Variants in DLG2 observed in about 807,000 individuals in gnomAD.
DLG2 encodes the protein disks large homolog 2.
Under a neutral mutation model 132.5 loss-of-function variants are expected in DLG2, and 45 were observed. The observed-to-expected ratio is 0.34, with a 90% CI of 0.27 to 0.44. The LOEUF (loss-of-function observed/expected upper bound fraction) is 0.44. Ranked by LOEUF, DLG2 falls within the 20% of genes least tolerant of loss-of-function variation. The pLI is 1.00. For missense variants in DLG2, 1,045 were observed against 1,196.9 expected, an observed-to-expected ratio of 0.87 and a Z score of 1.87; for synonymous variants, 424 against 419.6, an observed-to-expected ratio of 1.01 and a Z score of -0.13.
At chr11:83,653,686 G>A (rs1591779032) in intron 18 of DLG2, among the ~76,000 whole-genome samples, 1 of 152,230 alleles carries the variant, frequency 6.6e-6, no homozygotes, top group East Asian at 1.9e-4. Flanking sequence ...ACATGTCCAA[G>A]GAGCACAAAA....
intron 8 of DLG2, among the ~76,000 whole-genome samples, chr11:84,185,052 A>G (rs201637892): frequency 1.3e-5 from 2 of 152,204 alleles, no homozygotes; most frequent in East Asian, 1.9e-4. Flanking sequence ...TTGGCAATGC[A>G]GGCTCTTTTT....
intron 18 of DLG2, among the ~76,000 whole-genome samples, chr11:83,671,413 C>T (rs2076803607): frequency 1.3e-5 from 2 of 152,122 alleles, no homozygotes; most frequent in African/African-American, 2.4e-5. Flanking sequence ...CATCCTTCTA[C>T]CCAATACTAT....
chr11:85,607,711 C>T (rs1050440155), intron 2 of DLG2, among the ~76,000 whole-genome samples: 1 of 152,218 alleles, frequency 6.6e-6, no homozygotes, highest in African/African-American at 2.4e-5. Context: ...CCTCCTCAGA[C>T]AAGCAGGCCT....
intron 3 of DLG2, among the ~76,000 whole-genome samples, chr11:85,388,842 CG>C (rs1254363959): frequency 6.6e-6 from 1 of 152,134 alleles, no homozygotes; most frequent in Non-Finnish European, 1.5e-5. Context: ...ACAAAAAAAT[CG>C]GAACAGAAGC....
intron 8 of DLG2, among the ~76,000 whole-genome samples, chr11:84,250,868 T>G (rs1004240818): frequency 6.6e-6 from 1 of 152,226 alleles, no homozygotes; most frequent in African/African-American, 2.4e-5. Flanking sequence ...ATTACTTACT[T>G]TAGGTTCCAG....
intron 7 of DLG2, among the ~76,000 whole-genome samples, chr11:84,303,210 A>C (rs1248168643): frequency 6.6e-6 from 1 of 152,212 alleles, no homozygotes; most frequent in African/African-American, 2.4e-5. Context: ...TGAGTAAAAT[A>C]GATTAGAGAA....
chr11:84,514,202 T>C (rs950116189), intron 7 of DLG2, among the ~76,000 whole-genome samples: 2 of 151,918 alleles, frequency 1.3e-5, no homozygotes, highest in Non-Finnish European at 2.9e-5. Flanking sequence ...CGAATGCTGG[T>C]GGGGATGTGG....
At chr11:85,399,128 C>A (rs901427211) in intron 3 of DLG2, among the ~76,000 whole-genome samples, 1 of 152,066 alleles carries the variant, frequency 6.6e-6, no homozygotes, top group Non-Finnish European at 1.5e-5. Context: ...CATTCTTATA[C>A]ACCAATAACA....
At chr11:84,351,827 G>T (rs2098575465) in intron 7 of DLG2, among the ~76,000 whole-genome samples, 1 of 152,114 alleles carries the variant, frequency 6.6e-6, no homozygotes, top group South Asian at 2.1e-4. Context: ...CTGTAACAAT[G>T]GAGGAGAAGT....
At chr11:84,854,816 A>T (rs998469553) in intron 6 of DLG2, among the ~76,000 whole-genome samples, 6 of 152,004 alleles carry the variant, frequency 3.9e-5, no homozygotes, top group Non-Finnish European at 8.8e-5. Flanking sequence ...TGTACCCCAT[A>T]GTGATTCTTT....
At chr11:83,543,057 CAAGA>C (rs1171335179) in intron 19 of DLG2, among the ~76,000 whole-genome samples, 2 of 152,090 alleles carry the variant, frequency 1.3e-5, no homozygotes, top group Non-Finnish European at 2.9e-5. Flanking sequence ...GCCATGGCAA[CAAGA>C]AAGAGCTGAA....
intron 7 of DLG2, among the ~76,000 whole-genome samples, chr11:84,370,787 T>C (rs117084510): frequency 1.1e-4 from 16 of 152,166 alleles, no homozygotes; most frequent in Non-Finnish European, 2.4e-4. Flanking sequence ...GAACTGAAAG[T>C]ATAGGGAGTA....
intron 7 of DLG2, among the ~76,000 whole-genome samples, chr11:84,435,428 A>G (rs2098997564): frequency 1.3e-5 from 2 of 152,180 alleles, no homozygotes; most frequent in African/African-American, 2.4e-5. Context: ...TACAAATTCC[A>G]TTAAAAAATA....
intron 7 of DLG2, among the ~76,000 whole-genome samples, chr11:84,521,360 T>C (rs907284655): frequency 2.0e-5 from 3 of 152,192 alleles, no homozygotes; most frequent in South Asian, 2.1e-4. Context: ...AACAGAGACA[T>C]AAACTCAGGT....
chr11:84,788,947 C>T (rs750016927), intron 6 of DLG2, among the ~76,000 whole-genome samples: 2 of 151,896 alleles, frequency 1.3e-5, no homozygotes, highest in Non-Finnish European at 2.9e-5. Flanking sequence ...AAGACCAGAA[C>T]AGAAGATGGT....
At chr11:84,101,222 G>A (rs2092492040) in intron 9 of DLG2, among the ~76,000 whole-genome samples, 1 of 152,100 alleles carries the variant, frequency 6.6e-6, no homozygotes, top group Non-Finnish European at 1.5e-5. Flanking sequence ...TGGTGACATA[G>A]AGAAGAACAT....
intron 17 of DLG2, among the ~76,000 whole-genome samples, chr11:83,792,706 T>C (rs1481775848): frequency 6.6e-6 from 1 of 152,186 alleles, no homozygotes; most frequent in Admixed American, 6.5e-5. Context: ...ATGAGTGTTC[T>C]ATTATTCAAT....
chr11:85,192,280 A>C (rs2080651567), intron 4 of DLG2, among the ~76,000 whole-genome samples: 1 of 152,246 alleles, frequency 6.6e-6, no homozygotes, highest in Non-Finnish European at 1.5e-5. Context: ...GTACATACTA[A>C]CTACTCCATA....
At chr11:85,089,553 C>T (rs963322448) in intron 6 of DLG2, among the ~76,000 whole-genome samples, 1 of 152,056 alleles carries the variant, frequency 6.6e-6, no homozygotes, top group South Asian at 2.1e-4. Flanking sequence ...AGGTGGATTC[C>T]GTGCCTTTGC....
Sources: gnomAD v4.1 joint callset for allele counts (sites outside exome capture counted in the v4.1 genomes callset) on GRCh38, gnomAD v4.1.1 for gene constraint, MANE v1.5 for transcripts, NCBI Gene and HGNC (gene_info 2026-07-23, HGNC 2026-07-21) for gene names.